The following PATJ variants were observed in gnomAD, a reference collection of about 807,000 sequenced individuals.
PATJ encodes the protein PATJ crumbs cell polarity complex component.
Under a neutral mutation model 224.9 loss-of-function variants are expected in PATJ, and 190 were observed. That is an observed-to-expected ratio of 0.84 (90% confidence interval 0.75 to 0.95). The LOEUF is 0.95. PATJ is among the 40% of genes least tolerant of loss of function. PATJ has a pLI of 0.00. For missense variants in PATJ, 2,121 were observed against 2,270.3 expected, an observed-to-expected ratio of 0.93 and a Z score of 1.34; for synonymous variants, 769 against 820.3, an observed-to-expected ratio of 0.94 and a Z score of 1.07.
At chr1:61,895,240 TG>T (rs1557836878) in intron 22 of PATJ, among the ~76,000 whole-genome samples, 1 of 152,238 alleles carries the variant, frequency 6.6e-6, no homozygotes, top group Non-Finnish European at 1.5e-5. Flanking sequence ...ACCCATTTTC[TG>T]GGGAGGAATT....
chr1:61,843,293 G>T (rs1043119190), intron 17 of PATJ, among the ~76,000 whole-genome samples: 5 of 152,178 alleles, frequency 3.3e-5, no homozygotes, highest in African/African-American at 1.2e-4. Context: ...TAGCTTACGA[G>T]TCAGAAAGCT....
At chr1:62,015,778 G>A (rs917577239) in intron 28 of PATJ, among the ~76,000 whole-genome samples, 27 of 152,018 alleles carry the variant, frequency 1.8e-4, no homozygotes, top group African/African-American at 5.6e-4. Flanking sequence ...ATGCAGTGGC[G>A]CCATCTCAGC....
chr1:61,813,366 TATATATATATATACACACAC>T (rs767530099), intron 14 of PATJ, among the ~76,000 whole-genome samples: 5,094 of 55,830 alleles, frequency 0.091, 208 homozygotes, highest in Middle Eastern at 0.12. Context: ...TATATATATA[TATATATATATATACACACAC>T]ACACACACAC....
intron 30 of PATJ, 61 bp from the exon 31 acceptor site, chr1:62,050,905 A>G (rs1653479729): frequency 1.6e-6 from 2 of 1,221,888 alleles, no homozygotes; most frequent in Admixed American, 1.7e-5. Context: ...GTATCTGTAC[A>G]ATTCGAGGGA....
intron 22 of PATJ, 41 bp from the exon 23 acceptor site, chr1:61,899,542 G>T: frequency 7.4e-7 from 1 of 1,347,816 alleles, no homozygotes; most frequent in Non-Finnish European, 1.0e-6. Flanking sequence ...TAATGAGTAT[G>T]CCCTAAAATT....
At chr1:62,133,834 C>T (rs1162664726) in intron 41 of PATJ, among the ~76,000 whole-genome samples, 1 of 150,952 alleles carries the variant, frequency 6.6e-6, no homozygotes, top group African/African-American at 2.4e-5. Flanking sequence ...TGAGCCTCCA[C>T]CTCCTGGGTT....
At chr1:61,746,778 CA>C (rs1399806839) in intron 1 of PATJ, among the ~76,000 whole-genome samples, 2 of 151,878 alleles carry the variant, frequency 1.3e-5, no homozygotes, top group Non-Finnish European at 2.9e-5. Flanking sequence ...AGAAAATTTT[CA>C]AAAAAGAAAC....
Position 62,032,940 on chromosome 1 carries a change from T to A in PATJ, c.3960-5037T>A, listed in dbSNP as rs373171223. Among the ~76,000 whole-genome samples the A allele has an allele frequency of 4.6e-5, 7 of 152,108 alleles. No individual in the cohort carries two copies. In the East Asian group the frequency reaches 1.4e-3, roughly 29 times the overall value. ...AATGCATGAGGAACTACCACACACTTATAAAACCATCAGCTCTCCTGAGAA... is the reference window on the plus strand; with the variant it reads ...AATGCATGAGGAACTACCACACACTAATAAAACCATCAGCTCTCCTGAGAA... On this transcript the variant is annotated intron_variant, in intron 29 of 43. Transcript: ENST00000642238.
At position 62,131,029 on chromosome 1, in the gene PATJ, AAAAG is replaced by A. The variant is rs1276087412; in HGVS notation, c.5271+2092_5271+2095del. 2.0e-5 allele frequency among the ~76,000 whole-genome samples: 3 copies of A among 152,294 alleles called. No individual in the cohort carries two copies. The East Asian group carries it at 5.8e-4, about 29-fold the overall frequency. On this transcript the variant is annotated intron_variant, in intron 41 of 43. Transcript: ENST00000642238. ...ACACTAGTCTTTAAGTTAAAATTTT[AAAAG>A]AAAGAAAAGAAAATCCTGTCATTAA...
intron 22 of PATJ, among the ~76,000 whole-genome samples, chr1:61,890,924 TAGA>T (rs1669520333): frequency 6.6e-6 from 1 of 152,132 alleles, no homozygotes; most frequent in Non-Finnish European, 1.5e-5. Flanking sequence ...AAACGTTTAA[TAGA>T]AGGTTTGCAG....
At chr1:62,073,453 A>G in intron 31 of PATJ, 2 of 316,420 alleles carry the variant, frequency 6.3e-6, no homozygotes, top group East Asian at 1.7e-4. Flanking sequence ...CAAGTCTGCT[A>G]AAAATACAAA....
In PATJ at chr1:61,901,409, A is replaced by G; in HGVS notation, c.3331A>G (p.Ser1111Gly). The G allele has an allele frequency of 6.3e-7, 1 of 1,584,158 alleles. No homozygotes were observed. The highest frequency in any genetic ancestry group is 1.4e-5 in the African/African-American group (1 of 72,942). ...GIFIKQVLED[S>G]PAGKTNALKT... ...ATTCATCAAACAAGTTTTAGAAGAC[A>G]GTCCAGCAGGGAAGACGAACGCACT... Residue 1111 changes from serine (S) to glycine (G), a missense_variant, in exon 24 of 44, where the codon AGT becomes GGT. Transcript: ENST00000642238.
rs1319206425 is a variant in PATJ, at chr1:61,751,787, C to T, written c.-36+9232C>T. On this transcript the variant is annotated intron_variant, in intron 1 of 43. Coordinates refer to ENST00000642238, the MANE Select transcript of PATJ (RefSeq NM_001350145.3). Reference sequence around the variant, plus strand: ...GTTGCAGTGAGCCAAGACCGCACCACTGCACTCCAGCATGGGCAACAGAGT... The same window carrying T: ...GTTGCAGTGAGCCAAGACCGCACCATTGCACTCCAGCATGGGCAACAGAGT... Among the ~76,000 whole-genome samples, 3 of 151,764 alleles carry T rather than the reference C, an allele frequency of 2.0e-5. No individual in the cohort carries two copies. In the East Asian group the frequency reaches 5.8e-4, roughly 29 times the overall value.
chr1:61,876,370 C>T (rs1667332333), intron 21 of PATJ, among the ~76,000 whole-genome samples: 1 of 152,134 alleles, frequency 6.6e-6, no homozygotes, highest in Admixed American at 6.5e-5. Context: ...AAATAAAACT[C>T]TCCAGGTATA....
chr1:61,996,206 C>G (rs749244013), intron 28 of PATJ, among the ~76,000 whole-genome samples: 8 of 152,106 alleles, frequency 5.3e-5, no homozygotes, highest in Non-Finnish European at 1.0e-4. Context: ...AGACATAGAG[C>G]TACAGGTAAT....
chr1:61,952,028 C>T (rs925317123), intron 27 of PATJ: 1 of 241,698 alleles, frequency 4.1e-6, no homozygotes, highest in Non-Finnish European at 8.0e-6. Flanking sequence ...GAGCTATTAT[C>T]CTGAGGCGAG....
In PATJ at chr1:61,795,462, T is replaced by G; in HGVS notation, c.1169-5T>G. ...TCCTTTTTCCGTATGTCTGTGCACCTTAAGGGGAAGCTTCAGGGATTTATG... is the reference window on the plus strand; with the variant it reads ...TCCTTTTTCCGTATGTCTGTGCACCGTAAGGGGAAGCTTCAGGGATTTATG... On this transcript the variant is annotated splice_polypyrimidine_tract_variant and splice_region_variant and intron_variant, in intron 9 of 43. Transcript: ENST00000642238. 1 of 1,575,916 alleles carries G rather than the reference T, an allele frequency of 6.3e-7. No homozygotes were observed. The highest frequency in any genetic ancestry group is 1.7e-4 in the Middle Eastern group (1 of 5,956).
intron 31 of PATJ, among the ~76,000 whole-genome samples, chr1:62,062,593 G>A (rs554018178): frequency 1.4e-4 from 21 of 146,812 alleles, no homozygotes; most frequent in Admixed American, 4.2e-4. Flanking sequence ...TGAACTCCTG[G>A]CACAAGCAAT....
intron 29 of PATJ, among the ~76,000 whole-genome samples, chr1:62,026,504 A>G (rs982141338): frequency 3.4e-5 from 5 of 145,450 alleles, no homozygotes; most frequent in African/African-American, 8.0e-5. Context: ...GTGTGTGTAC[A>G]TGCACCTAAA....
Sources: gnomAD v4.1 joint callset for allele counts (sites outside exome capture counted in the v4.1 genomes callset) on GRCh38, gnomAD v4.1.1 for gene constraint, MANE v1.5 for transcripts, NCBI Gene and HGNC (gene_info 2026-07-23, HGNC 2026-07-21) for gene names.